PDE11A: variants seen among roughly 807,000 people sequenced by gnomAD.
PDE11A encodes the protein phosphodiesterase 11A.
PDE11A carries 100 observed loss-of-function variants against 100.5 expected under a neutral mutation model. The ratio of observed to expected loss-of-function variants is 1.00; its 90% CI spans 0.85 to 1.18. The LOEUF (loss-of-function observed/expected upper bound fraction) is 1.18, where lower values mean the gene tolerates loss of function less well. PDE11A is among the 50% of genes most tolerant of loss of function. The probability of loss-of-function intolerance (pLI) is 0.00; values close to 1 mark genes in which losing one functional copy is unlikely to be tolerated. For synonymous variants in PDE11A, 381 were observed against 420.8 expected (o/e 0.91, Z 1.16); for missense variants, 1,141 against 1,152.6 (o/e 0.99, Z 0.15).
At chr2:178,073,019 C>T (rs1216768306), upstream of PDE11A, 13 of 985,378 alleles carry the variant, frequency 1.3e-5, no homozygotes, top group Non-Finnish European at 1.6e-5. Context: ...TTCCCCGCTT[C>T]TTGCTCCCTT....
At position 177,671,007 on chromosome 2, in the gene PDE11A, A is replaced by G. The variant is rs78268972; in HGVS notation, c.2488-1440T>C. 4.4e-3 allele frequency among the ~76,000 whole-genome samples: 667 copies of G among 152,262 alleles called. 5 individuals are homozygous for G. Among genetic ancestry groups the G allele is most frequent in the East Asian group, 0.03 (153 of 5,178 alleles). ...CTCTCCTGCTACCCTGCATTTCAGC[A>G]CACCAGGCTTCTCTCTTCTTTCTCT... is the stretch of plus-strand genomic sequence containing the variant. On this transcript the variant is annotated intron_variant, in intron 17 of 19. Coordinates refer to ENST00000286063, the MANE Select transcript of PDE11A (RefSeq NM_016953.4).
intron 1 of PDE11A, among the ~76,000 whole-genome samples, chr2:178,107,753 ACT>A (rs1477695064): frequency 5.5e-5 from 7 of 126,130 alleles, no homozygotes; most frequent in Non-Finnish European, 9.5e-5. Flanking sequence ...ACGGAGTCTC[ACT>A]CTGTCGCCCA....
chr2:177,830,478 G>A lies in PDE11A; in HGVS notation c.1500+9773C>T, dbSNP rs2083291854. On this transcript the variant is annotated intron_variant, in intron 6 of 19. Transcript: ENST00000286063. ...TAGCCAGCCATGGTGGTGTGCACCT[G>A]TAATCCCAGTTACTCGGGAGGCTGA... 1.3e-5 allele frequency among the ~76,000 whole-genome samples: 2 copies of A among 151,930 alleles called. 1 individual carries two copies. The highest frequency in any genetic ancestry group is 4.1e-4 in the South Asian group (2 of 4,828).
chr2:177,657,504 G>A (rs2080407549), intron 19 of PDE11A, among the ~76,000 whole-genome samples: 1 of 152,162 alleles, frequency 6.6e-6, no homozygotes, highest in Non-Finnish European at 1.5e-5. Context: ...ACCAAACCTG[G>A]CTAAGTTAGA....
chr2:177,768,368 A>G (rs1393567378), intron 10 of PDE11A, among the ~76,000 whole-genome samples: 2 of 152,216 alleles, frequency 1.3e-5, no homozygotes, highest in Non-Finnish European at 2.9e-5. Flanking sequence ...TCTCTGCACC[A>G]TATATATGCA....
At chr2:177,631,560 TATATATATAC>T (rs1409419411) in intron 19 of PDE11A, among the ~76,000 whole-genome samples, 2 of 38,468 alleles carry the variant, frequency 5.2e-5, no homozygotes, top group African/African-American at 1.9e-4. Flanking sequence ...CATGTATATA[TATATATATAC>T]ATGTATATAT....
chr2:177,772,423 G>T (rs2082323201), intron 9 of PDE11A, among the ~76,000 whole-genome samples: 1 of 151,992 alleles, frequency 6.6e-6, no homozygotes, highest in South Asian at 2.1e-4. Context: ...ATAAATATTT[G>T]GCTGGATATT....
rs184711542 is a variant in PDE11A, at chr2:178,023,404, G to A, written c.913-8944C>T. On this transcript the variant is annotated intron_variant, in intron 1 of 19. Transcript: ENST00000286063. Reference sequence around the variant, plus strand: ...TACTTTCTCAGAGAAATCACTGGAGGCTCCCTAAGGCAAGATTCAGAGTTG... The same window carrying A: ...TACTTTCTCAGAGAAATCACTGGAGACTCCCTAAGGCAAGATTCAGAGTTG... 2.0e-5 allele frequency among the ~76,000 whole-genome samples: 3 copies of A among 152,200 alleles called. No individual in the cohort carries two copies. The East Asian group carries it at 5.8e-4, about 29-fold the overall frequency.
At chr2:177,671,432 T>G (rs1169586268) in intron 17 of PDE11A, among the ~76,000 whole-genome samples, 2 of 152,158 alleles carry the variant, frequency 1.3e-5, no homozygotes, top group Non-Finnish European at 2.9e-5. Context: ...AGAGTCTTGT[T>G]GCAGGAAGGG....
chr2:177,933,235 T>C (rs1358156103), intron 2 of PDE11A, among the ~76,000 whole-genome samples: 2 of 152,166 alleles, frequency 1.3e-5, no homozygotes, highest in African/African-American at 2.4e-5. Context: ...TCAATATCAT[T>C]AAAATGGCCA....
At chr2:178,074,569 A>G (rs2087183653), upstream of PDE11A, among the ~76,000 whole-genome samples, 1 of 152,156 alleles carries the variant, frequency 6.6e-6, no homozygotes, top group South Asian at 2.1e-4. Context: ...AAAGTTTAAT[A>G]AAGACACTTC....
chr2:178,090,611 T>C (rs982920124), intron 2 of PDE11A, among the ~76,000 whole-genome samples: 2 of 152,192 alleles, frequency 1.3e-5, no homozygotes, highest in Non-Finnish European at 2.9e-5. Context: ...ATCAGGGTTG[T>C]ATAAATCCAA....
At chr2:177,840,203 A>T in intron 6 of PDE11A, 48 bp downstream of exon 6, 2 of 1,596,918 alleles carry the variant, frequency 1.3e-6, no homozygotes, top group Non-Finnish European at 1.7e-6. Flanking sequence ...TGTTTTCAAC[A>T]GTGCGACAAC....
intron 9 of PDE11A, among the ~76,000 whole-genome samples, chr2:177,785,335 C>A (rs956516149): frequency 6.6e-6 from 1 of 152,108 alleles, no homozygotes; most frequent in Non-Finnish European, 1.5e-5. Flanking sequence ...CTGATGGTAA[C>A]CACAATGGTT....
At chr2:177,775,766 T>G (rs1159082111) in intron 9 of PDE11A, among the ~76,000 whole-genome samples, 1 of 152,240 alleles carries the variant, frequency 6.6e-6, no homozygotes, top group Non-Finnish European at 1.5e-5. Context: ...CTTCAGTGAC[T>G]TATTCCCTGA....
At chr2:177,962,552 TA>T in intron 2 of PDE11A, among the ~76,000 whole-genome samples, 1 of 152,310 alleles carries the variant, frequency 6.6e-6, no homozygotes, top group Non-Finnish European at 1.5e-5. Context: ...GTGATAGCTC[TA>T]GATTTTATGA....
intron 12 of PDE11A, among the ~76,000 whole-genome samples, chr2:177,719,550 G>A (rs527584916): frequency 6.6e-6 from 1 of 152,166 alleles, no homozygotes; most frequent in South Asian, 2.1e-4. Context: ...CAATTCCAAG[G>A]GGTTGGAGAG....
intron 19 of PDE11A, among the ~76,000 whole-genome samples, chr2:177,650,944 T>C (rs1157586883): frequency 6.6e-6 from 1 of 152,196 alleles, no homozygotes; most frequent in East Asian, 1.9e-4. Context: ...GCACATACAT[T>C]ATCTCAGGCA....
intron 19 of PDE11A, among the ~76,000 whole-genome samples, chr2:177,661,221 C>G (rs1209456794): frequency 6.6e-6 from 1 of 152,210 alleles, no homozygotes; most frequent in Non-Finnish European, 1.5e-5. Context: ...CATGGTAAAG[C>G]AAAGCTGAAT....
Sources: allele counts gnomAD v4.1 joint callset (sites outside exome capture counted in the v4.1 genomes callset), GRCh38; gene constraint gnomAD v4.1.1; transcripts MANE v1.5; gene names NCBI Gene and HGNC (gene_info 2026-07-23, HGNC 2026-07-21).